Variants in MYOF observed in about 807,000 individuals in gnomAD.
MYOF encodes myoferlin.
Under a neutral mutation model 284.2 loss-of-function variants are expected in MYOF, and 244 were observed. The ratio of observed to expected loss-of-function variants is 0.86; its 90% CI spans 0.77 to 0.95. The LOEUF is 0.95. MYOF is among the 40% of genes least tolerant of loss of function. The probability of loss-of-function intolerance (pLI) is 0.00; values close to 1 mark genes in which losing one functional copy is unlikely to be tolerated. For synonymous variants in MYOF, 904 were observed against 919.7 expected (o/e 0.98, Z 0.31); for missense variants, 2,496 against 2,560.6 (o/e 0.97, Z 0.54).
At chr10:93,367,761 A>G (rs1337623430) in intron 25 of MYOF, among the ~76,000 whole-genome samples, 1 of 151,926 alleles carries the variant, frequency 6.6e-6, no homozygotes, top group African/African-American at 2.4e-5. Flanking sequence ...AGTAAGAAAA[A>G]AGTATTCATG....
intron 1 of MYOF, among the ~76,000 whole-genome samples, chr10:93,469,959 T>G (rs2057101173): frequency 6.6e-6 from 1 of 152,138 alleles, no homozygotes; most frequent in Admixed American, 6.5e-5. Flanking sequence ...CCGGGCGCAG[T>G]GGCTCACGCT....
At chr10:93,388,417 T>C (rs1165562790) in intron 18 of MYOF, among the ~76,000 whole-genome samples, 1 of 152,164 alleles carries the variant, frequency 6.6e-6, no homozygotes, top group Non-Finnish European at 1.5e-5. Flanking sequence ...AAGTTCTGGG[T>C]GCAGCTGAGC....
intron 20 of MYOF, among the ~76,000 whole-genome samples, chr10:93,380,852 T>C (rs1253264480): frequency 6.6e-6 from 1 of 152,150 alleles, no homozygotes; most frequent in Non-Finnish European, 1.5e-5. Context: ...CAGAGTCCCA[T>C]TCATTTTCCA....
At position 93,376,832 on chromosome 10, in the gene MYOF, G is replaced by C. The variant is rs548971690; in HGVS notation, c.2108+491C>G. On this transcript the variant is annotated intron_variant, in intron 22 of 53. Transcript: ENST00000359263. ...TACTGGTTTTGCCTAACAGAGGCTT[G>C]GCCACAGTGTTCATCAGGCATTCAG... Among the ~76,000 whole-genome samples the C allele has an allele frequency of 3.3e-5, 5 of 152,254 alleles. No individual in the cohort carries two copies. The East Asian group carries it at 9.7e-4, about 29-fold the overall frequency.
intron 26 of MYOF, among the ~76,000 whole-genome samples, chr10:93,364,603 C>G (rs1433308153): frequency 6.6e-6 from 1 of 152,098 alleles, no homozygotes; most frequent in East Asian, 1.9e-4. Context: ...AGGTAGACAG[C>G]CAAACCAGGT....
rs372639652 is a variant in MYOF, at chr10:93,311,265, C to T, written c.5890-622G>A. Among the ~76,000 whole-genome samples the T allele has an allele frequency of 2.6e-5, 4 of 152,198 alleles. No homozygotes were observed. The East Asian group carries it at 5.8e-4, about 22-fold the overall frequency. ...AACCCTACAAAGGTACTATTATTGT[C>T]CTCATGTGCAAATGAGAACAGTGAG... On this transcript the variant is annotated intron_variant, in intron 51 of 53. Coordinates refer to ENST00000359263, the MANE Select transcript of MYOF (RefSeq NM_013451.4).
rs1564612789 is a variant in MYOF, at chr10:93,316,791, T to C, written c.5621A>G (p.Gln1874Arg). 3 of 1,613,840 alleles carry C rather than the reference T, an allele frequency of 1.9e-6. No individual in the cohort carries two copies. Among genetic ancestry groups the C allele is most frequent in the Admixed American group, 3.3e-5 (2 of 60,004 alleles). ...AKKEHFWSID[Q>R]TEFRIPPRLI... ...CCTGGGTGGGATTCGAAATTCCGTT[T>C]GGTCAATACTCCAGAAATGCTCCTA... The change falls in exon 50 of 54, where the codon CAA (glutamine) becomes CGA (arginine). Residue 1874 changes from glutamine to arginine, a missense_variant. This residue lies in a region of MYOF where 2,436 missense variants were observed against 2,480.7 expected (regional missense o/e 0.98). Coordinates refer to ENST00000359263, the MANE Select transcript of MYOF (RefSeq NM_013451.4).
chr10:93,452,193 AG>A, intron 2 of MYOF, 52 bp from the exon 3 acceptor site: 1 of 1,210,796 alleles, frequency 8.3e-7, no homozygotes, highest in Non-Finnish European at 1.2e-6. Context: ...TGTTAGAAGG[AG>A]CAGAGATTAC....
chr10:93,414,143 C>T (rs116897688), intron 5 of MYOF, among the ~76,000 whole-genome samples: 427 of 152,290 alleles, frequency 2.8e-3, no homozygotes, highest in Non-Finnish European at 4.5e-3. Flanking sequence ...CAGTGGCTCC[C>T]GGCAATCCTG....
chr10:93,463,096 C>G (rs12358603), intron 1 of MYOF, among the ~76,000 whole-genome samples: 60,647 of 152,012 alleles, frequency 0.4, 13,942 homozygotes, highest in South Asian at 0.55. Context: ...ACGCCTGCCT[C>G]TCACTCAGTT....
intron 25 of MYOF, among the ~76,000 whole-genome samples, chr10:93,369,194 A>G (rs1241290447): frequency 7.2e-6 from 1 of 138,022 alleles, no homozygotes; most frequent in Non-Finnish European, 1.5e-5. Flanking sequence ...AGGGGTTTTA[A>G]GACACTCTAC....
intron 5 of MYOF, among the ~76,000 whole-genome samples, chr10:93,423,726 G>A (rs1189807816): frequency 2.0e-5 from 3 of 151,472 alleles, no homozygotes; most frequent in Non-Finnish European, 4.4e-5. Flanking sequence ...CCAGCTACTC[G>A]GGAGGCTGAG....
chr10:93,318,420 CAAAAAG>C (rs1348530526), intron 49 of MYOF, among the ~76,000 whole-genome samples: 2 of 149,916 alleles, frequency 1.3e-5, no homozygotes, highest in Non-Finnish European at 3.0e-5. Flanking sequence ...GACCCTATCT[CAAAAAG>C]AAAAAAGTCC....
At position 93,355,686 on chromosome 10, in the gene MYOF, C is replaced by T; in HGVS notation, c.3345G>A (p.Lys1115=). ...CTCCGAACACAGTGGTGGCACTGTG[C>T]TTCTGTTTCTCCAGGCTCTTCTCAT... ...DGDEKSLEKQ[K]HSATTVFGAN... is the part of the protein sequence containing the mutation. Residue 1115 remains lysine (K), a synonymous_variant, in exon 31 of 54, where the codon AAG becomes AAA. Coordinates refer to ENST00000359263, the MANE Select transcript of MYOF (RefSeq NM_013451.4). 6.2e-7 allele frequency: 1 copy of T among 1,613,410 alleles called. No homozygotes were observed. The highest frequency in any genetic ancestry group is 8.5e-7 in the Non-Finnish European group (1 of 1,179,510).
At chr10:93,363,631 G>A (rs1025262491) in intron 27 of MYOF, among the ~76,000 whole-genome samples, 13 of 152,136 alleles carry the variant, frequency 8.5e-5, no homozygotes, top group Non-Finnish European at 1.9e-4. Flanking sequence ...GCACCACTGC[G>A]TTCCAGCCTG....
chr10:93,424,853 G>T (rs1417057905), intron 5 of MYOF, among the ~76,000 whole-genome samples: 1 of 150,094 alleles, frequency 6.7e-6, no homozygotes, highest in African/African-American at 2.4e-5. Flanking sequence ...CCAACCAAGA[G>T]AAGCAAGAAG....
chr10:93,328,068 C>G (rs1183691133), intron 45 of MYOF, among the ~76,000 whole-genome samples: 1 of 152,166 alleles, frequency 6.6e-6, no homozygotes, highest in Non-Finnish European at 1.5e-5. Flanking sequence ...CTGTGCCCGG[C>G]CTCAAAACAT....
At chr10:93,339,736 T>A (rs1843799210) in intron 39 of MYOF, among the ~76,000 whole-genome samples, 1 of 151,978 alleles carries the variant, frequency 6.6e-6, no homozygotes, top group Non-Finnish European at 1.5e-5. Context: ...CCCAAAGTGC[T>A]GGGATTATAG....
intron 25 of MYOF, among the ~76,000 whole-genome samples, chr10:93,368,625 C>T (rs1480030768): frequency 2.6e-5 from 4 of 152,158 alleles, no homozygotes; most frequent in Admixed American, 6.5e-5. Flanking sequence ...GATAAATTGT[C>T]ATCATTTATT....
Sources: gnomAD v4.1 joint callset for allele counts (sites outside exome capture counted in the v4.1 genomes callset) on GRCh38, gnomAD v4.1.1 for gene constraint, gnomAD v4.1.1 regional missense constraint, MANE v1.5 for transcripts, NCBI Gene and HGNC (gene_info 2026-07-23, HGNC 2026-07-21) for gene names.